Variants in C6orf132 observed in about 807,000 individuals in gnomAD.
The protein encoded by C6orf132 is chromosome 6 open reading frame 132.
C6orf132 carries 43 observed loss-of-function variants against 65.3 expected under a neutral mutation model. The ratio of observed to expected loss-of-function variants is 0.66; its 90% CI spans 0.52 to 0.85. C6orf132 has a LOEUF of 0.85. C6orf132 is among the 40% of genes least tolerant of loss of function. C6orf132 has a pLI of 0.00. For synonymous variants in C6orf132, 631 were observed against 654.1 expected (o/e 0.96, Z 0.54); for missense variants, 1,488 against 1,548.8 (o/e 0.96, Z 0.66).
chr6:42,114,787 T>G (rs1357727322), intron 2 of C6orf132, among the ~76,000 whole-genome samples: 2 of 151,010 alleles, frequency 1.3e-5, no homozygotes, highest in African/African-American at 4.9e-5. Context: ...GGCGGATCAC[T>G]GGAGGTCAGG....
intron 1 of C6orf132, among the ~76,000 whole-genome samples, chr6:42,132,237 T>C (rs1350251903): frequency 2.6e-5 from 4 of 152,182 alleles, no homozygotes; most frequent in African/African-American, 9.6e-5. Flanking sequence ...AAAAAGGGGC[T>C]GGGTGCGGGG....
intron 2 of C6orf132, among the ~76,000 whole-genome samples, chr6:42,113,424 C>T (rs562055729): frequency 5.9e-5 from 9 of 152,146 alleles, no homozygotes; most frequent in Non-Finnish European, 8.8e-5. Flanking sequence ...AGAGTGTGAC[C>T]GGTGTCACCT....
chr6:42,113,449 G>A (rs948428536), intron 2 of C6orf132, among the ~76,000 whole-genome samples: 12 of 152,182 alleles, frequency 7.9e-5, no homozygotes, highest in African/African-American at 2.9e-4. Flanking sequence ...TCCCTTCACA[G>A]AGCCAGGGTG....
chr6:42,119,341 CTTTT>C (rs36124736), intron 2 of C6orf132, among the ~76,000 whole-genome samples: 2 of 78,212 alleles, frequency 2.6e-5, no homozygotes, highest in African/African-American at 5.5e-5. Flanking sequence ...AGCTTTCCAG[CTTTT>C]TTTTTTTTTT....
In C6orf132 at chr6:42,107,327, C is replaced by G; in HGVS notation, c.585G>C (p.Glu195Asp). 3.9e-6 allele frequency: 5 copies of G among 1,285,834 alleles called. No homozygotes were observed. Among genetic ancestry groups the G allele is most frequent in the Non-Finnish European group, 5.1e-6 (5 of 974,846 alleles). The allele number at this position is 1,285,834 out of a possible 1,614,324, so 79.7% of individuals were successfully genotyped here. A position where few individuals can be genotyped will look rare whatever the true frequency, so the allele number is the denominator to read the frequency against. ...AAAGAGTGTGTGGTGGGGATAGGGC[C>G]TCCAATACTGGGGGTGGAGGTGGGG... is the stretch of plus-strand genomic sequence containing the variant. ...SMAPPPPPVL[E>D]ALSPPHTLSS... The change falls in exon 4 of 5, where the codon GAG becomes GAC. Residue 195 changes from glutamate to aspartate, a missense_variant. Glu to Asp is a conservative substitution (Grantham distance 45). Transcript: ENST00000341865.
chr6:42,109,772 C>G (rs900079326), intron 3 of C6orf132, among the ~76,000 whole-genome samples: 1 of 152,176 alleles, frequency 6.6e-6, no homozygotes, highest in African/African-American at 2.4e-5. Context: ...AGAGGTGTGA[C>G]AGACATGACA....
At chr6:42,120,650 C>T (rs1472968855) in intron 2 of C6orf132, among the ~76,000 whole-genome samples, 6 of 151,726 alleles carry the variant, frequency 4.0e-5, no homozygotes, top group African/African-American at 9.7e-5. Context: ...TTTTTTGAGA[C>T]GGAGTCTCGC....
intron 3 of C6orf132, 33 bp downstream of exon 3, chr6:42,110,183 G>C: frequency 2.6e-6 from 4 of 1,524,152 alleles, no homozygotes; most frequent in Non-Finnish European, 3.5e-6. Context: ...AGGAAAGAAA[G>C]ATGGACAAGC....
intron 2 of C6orf132, among the ~76,000 whole-genome samples, chr6:42,125,085 C>T (rs1311985677): frequency 3.9e-5 from 6 of 152,104 alleles, no homozygotes; most frequent in Non-Finnish European, 5.9e-5. Context: ...TGGCAAGAGG[C>T]CTGGTGCCCA....
At chr6:42,118,292 C>T (rs967153008) in intron 2 of C6orf132, among the ~76,000 whole-genome samples, 1 of 152,130 alleles carries the variant, frequency 6.6e-6, no homozygotes, top group Non-Finnish European at 1.5e-5. Context: ...GGAGAGTTCT[C>T]AAAGTTCTTT....
Position 42,105,723 on chromosome 6 carries a change from TGGGA to T in C6orf132, c.2185_2188del (p.Ser729ArgfsTer56). 1 of 1,537,308 alleles carries T rather than the reference TGGGA, an allele frequency of 6.5e-7. No homozygotes were observed. The highest frequency in any genetic ancestry group is 8.7e-7 in the Non-Finnish European group (1 of 1,146,908). On this transcript the variant is annotated frameshift_variant, in exon 4 of 5. Coordinates refer to ENST00000341865, the MANE Select transcript of C6orf132 (RefSeq NM_001164446.3). LOFTEE classifies it high-confidence loss of function. ...TGAGGGGGACCCCTCTCCCCTTGCC[TGGGA>T]GGGAGTGGAAACTTCTTGAGATGCT...
chr6:42,142,603 C>T lies in C6orf132; in HGVS notation c.-159G>A. 1 of 612,778 alleles carries T rather than the reference C, an allele frequency of 1.6e-6. No individual in the cohort carries two copies. Among genetic ancestry groups the T allele is most frequent in the Non-Finnish European group, 2.5e-6 (1 of 404,874 alleles). The allele number at this position is 612,778 out of a possible 1,614,324, so 38.0% of individuals were successfully genotyped here. On this transcript the variant is annotated 5_prime_UTR_variant, in exon 1 of 5. Transcript: ENST00000341865. ...ACCGGGCAACAGGTGCTGCGGGCGC[C>T]GCCGCTTGCCGGGAAATGCGAGCTA...
Position 42,108,477 on chromosome 6 carries a change from T to G in C6orf132, c.329-894A>C, listed in dbSNP as rs145707225. Among the ~76,000 whole-genome samples the G allele has an allele frequency of 6.5e-3, 984 of 152,182 alleles. 12 individuals are homozygous for G. Among genetic ancestry groups the G allele is most frequent in the African/African-American group, 0.023 (947 of 41,528 alleles). ...AAGGTGGGAAAGAGATAGGAAGTCA[T>G]GGGGCAGGGGCGAGAGACCTCCTCA... On this transcript the variant is annotated intron_variant, in intron 3 of 4. Transcript: ENST00000341865.
At position 42,132,117 on chromosome 6, in the gene C6orf132, G is replaced by C. The variant is rs574813826; in HGVS notation, c.146-3339C>G. Reference sequence around the variant, plus strand: ...ACAGGCAAGGAAACAGACTCTCCTGGAGCCTCCAGAGGAACAAAGTCTTGC... The same window carrying C: ...ACAGGCAAGGAAACAGACTCTCCTGCAGCCTCCAGAGGAACAAAGTCTTGC... On this transcript the variant is annotated intron_variant, in intron 1 of 4. Transcript: ENST00000341865. Among the ~76,000 whole-genome samples the C allele has an allele frequency of 2.0e-5, 3 of 152,322 alleles. No homozygotes were observed. The East Asian group carries it at 5.8e-4, about 29-fold the overall frequency.
At chr6:42,125,147 G>A (rs932810161) in intron 2 of C6orf132, among the ~76,000 whole-genome samples, 2 of 152,202 alleles carry the variant, frequency 1.3e-5, no homozygotes, top group Non-Finnish European at 2.9e-5. Flanking sequence ...AGGGAGGTGG[G>A]AGTGGTTTTG....
intron 1 of C6orf132, among the ~76,000 whole-genome samples, chr6:42,132,447 G>A (rs918074813): frequency 1.1e-4 from 16 of 151,318 alleles, no homozygotes; most frequent in Non-Finnish European, 1.9e-4. Flanking sequence ...CCAGGGAGGC[G>A]GAGGTTGCAG....
chr6:42,139,857 G>A (rs1283643695), intron 1 of C6orf132, among the ~76,000 whole-genome samples: 3 of 152,142 alleles, frequency 2.0e-5, no homozygotes, highest in Admixed American at 6.5e-5. Context: ...CATAAATACC[G>A]CTTCAGGCAG....
chr6:42,139,707 T>C (rs9462775), intron 1 of C6orf132, among the ~76,000 whole-genome samples: 3,374 of 152,322 alleles, frequency 0.022, 77 homozygotes, highest in Middle Eastern at 0.075. Flanking sequence ...TGTTTTGTTT[T>C]TTAGCTCATC....
chr6:42,132,946 G>C (rs1031749724), intron 1 of C6orf132, among the ~76,000 whole-genome samples: 2 of 152,134 alleles, frequency 1.3e-5, no homozygotes, highest in African/African-American at 4.8e-5. Flanking sequence ...ACCTGGCCTA[G>C]CTCCTGCTGG....
Sources: gnomAD v4.1 joint callset for allele counts (sites outside exome capture counted in the v4.1 genomes callset) on GRCh38, gnomAD v4.1.1 for gene constraint, MANE v1.5 for transcripts, NCBI Gene and HGNC (gene_info 2026-07-23, HGNC 2026-07-21) for gene names.